Variants in PDE10A observed in about 807,000 individuals in gnomAD.
PDE10A encodes phosphodiesterase 10A, also known as cAMP and cAMP-inhibited cGMP 3',5'-cyclic phosphodiesterase 10A.
Under a neutral mutation model 97.7 loss-of-function variants are expected in PDE10A, and 39 were observed. That is an observed-to-expected ratio of 0.40 (90% CI 0.31 to 0.52). The LOEUF is 0.52. PDE10A is among the 20% of genes least tolerant of loss of function. PDE10A has a pLI of 0.56. For synonymous variants in PDE10A, 371 were observed against 376.8 expected, an observed-to-expected ratio of 0.98 and a Z score of 0.18; for missense variants, 731 against 1,047.8, an observed-to-expected ratio of 0.70 and a Z score of 4.17.
intron 3 of PDE10A, 56 bp downstream of exon 3, chr6:165,482,259 C>A: frequency 1.7e-6 from 2 of 1,211,064 alleles, no homozygotes; most frequent in Non-Finnish European, 2.5e-6. Flanking sequence ...GAGAGATAAA[C>A]AAAACAGATT....
Position 165,500,670 on chromosome 6 carries a change from T to C in PDE10A, c.995-18327A>G, listed in dbSNP as rs143629745. 2.9e-3 allele frequency among the ~76,000 whole-genome samples: 448 copies of C among 152,076 alleles called. 3 individuals are homozygous for C. The highest frequency in any genetic ancestry group is 0.01 in the African/African-American group (421 of 41,508). Reference sequence around the variant, plus strand: ...CTGACCATCCCCCAGCCAACACCCATAAAGGGTCTGTGCTGAGGAAGATAA... The same window carrying C: ...CTGACCATCCCCCAGCCAACACCCACAAAGGGTCTGTGCTGAGGAAGATAA... On this transcript the variant is annotated intron_variant, in intron 2 of 21. Coordinates refer to ENST00000539869, the MANE Select transcript of PDE10A (RefSeq NM_001385079.1).
At chr6:165,771,841 G>A (rs1314652186) in intron 1 of PDE10A, among the ~76,000 whole-genome samples, 1 of 152,184 alleles carries the variant, frequency 6.6e-6, no homozygotes, top group Non-Finnish European at 1.5e-5. Flanking sequence ...TAGGTGGCCT[G>A]TGGGGCGGAT....
chr6:165,825,886 G>A (rs911010512), intron 1 of PDE10A, among the ~76,000 whole-genome samples: 7 of 152,142 alleles, frequency 4.6e-5, no homozygotes, highest in Non-Finnish European at 2.9e-5. Flanking sequence ...TTTCTTATGA[G>A]GACCTTCCAT....
intron 1 of PDE10A, among the ~76,000 whole-genome samples, chr6:165,840,416 A>AT (rs1402031725): frequency 4.3e-4 from 66 of 152,270 alleles, no homozygotes; most frequent in African/African-American, 1.5e-3. Context: ...GAGCTGATCC[A>AT]TTTTTCCCTA....
chr6:165,771,377 G>A (rs1057463554), intron 1 of PDE10A, among the ~76,000 whole-genome samples: 1 of 151,832 alleles, frequency 6.6e-6, no homozygotes, highest in African/African-American at 2.4e-5. Context: ...CTTCCAGCTC[G>A]GGGCTCCTGC....
intron 2 of PDE10A, among the ~76,000 whole-genome samples, chr6:165,528,129 G>A (rs1782559230): frequency 6.6e-6 from 1 of 152,228 alleles, no homozygotes; most frequent in Admixed American, 6.5e-5. Context: ...TCAGGGACTT[G>A]GAAGAAGCAT....
intron 3 of PDE10A, among the ~76,000 whole-genome samples, chr6:165,476,170 A>C (rs955612636): frequency 7.2e-5 from 11 of 152,316 alleles, no homozygotes; most frequent in African/African-American, 2.6e-4. Flanking sequence ...AAAGAAGAAA[A>C]AAAAAAACCA....
At chr6:165,390,082 A>C (rs1404417614) in intron 16 of PDE10A, among the ~76,000 whole-genome samples, 3 of 152,206 alleles carry the variant, frequency 2.0e-5, no homozygotes, top group Non-Finnish European at 4.4e-5. Flanking sequence ...TTTGAAAGAC[A>C]AATTATACCT....
At chr6:165,640,933 A>G (rs570924943) in intron 1 of PDE10A, among the ~76,000 whole-genome samples, 1 of 152,372 alleles carries the variant, frequency 6.6e-6, no homozygotes, top group South Asian at 2.1e-4. Flanking sequence ...CACAGAACAA[A>G]TATCACTTGT....
At chr6:165,842,304 G>A (rs1465989349) in intron 1 of PDE10A, among the ~76,000 whole-genome samples, 1 of 152,072 alleles carries the variant, frequency 6.6e-6, no homozygotes, top group African/African-American at 2.4e-5. Flanking sequence ...ATCCAGGCTG[G>A]TGATATACCT....
Position 165,379,274 on chromosome 6 carries a change from A to G in PDE10A, c.2703T>C (p.Leu901=). ...GCTTCCTGTTTCCAAAGTATAAAGCAAGGTCTGTGGCAATGATGGCTTTGC... is the reference window on the plus strand; with the variant it reads ...GCTTCCTGTTTCCAAAGTATAAAGCGAGGTCTGTGGCAATGATGGCTTTGC... ...IIRKAIIATD[L]ALYFGNRKQL... is the part of the protein sequence containing the mutation. Residue 901 remains leucine, a synonymous_variant, in exon 18 of 22, where the codon CTT becomes CTC. Transcript: ENST00000539869. 1 of 1,613,792 alleles carries G rather than the reference A, an allele frequency of 6.2e-7. No homozygotes were observed. The highest frequency in any genetic ancestry group is 1.1e-5 in the South Asian group (1 of 91,070).
intron 6 of PDE10A, among the ~76,000 whole-genome samples, chr6:165,433,827 A>G (rs979581049): frequency 6.6e-6 from 1 of 151,964 alleles, no homozygotes; most frequent in Non-Finnish European, 1.5e-5. Flanking sequence ...CATCCTGGCT[A>G]ACACAGTGAA....
intron 17 of PDE10A, among the ~76,000 whole-genome samples, chr6:165,380,349 A>G (rs2128207547): frequency 6.6e-6 from 1 of 152,302 alleles, no homozygotes; most frequent in Non-Finnish European, 1.5e-5. Flanking sequence ...ATTGAAGCAT[A>G]TTTCTTTAAA....
chr6:165,889,946 C>T (rs1781740077), intron 1 of PDE10A, among the ~76,000 whole-genome samples: 1 of 96,710 alleles, frequency 1.0e-5, no homozygotes, highest in East Asian at 5.5e-4. Flanking sequence ...ACTCCTCCCT[C>T]CCTCCTCCCT....
intron 10 of PDE10A, among the ~76,000 whole-genome samples, chr6:165,422,824 A>G (rs1320226066): frequency 6.6e-6 from 1 of 152,192 alleles, no homozygotes; most frequent in East Asian, 1.9e-4. Context: ...ACTTGTTAGT[A>G]AATGATATCT....
At chr6:165,794,105 C>T (rs934988234) in intron 1 of PDE10A, among the ~76,000 whole-genome samples, 3 of 121,822 alleles carry the variant, frequency 2.5e-5, no homozygotes, top group African/African-American at 9.4e-5. Context: ...CAACATGGTT[C>T]TACGCAGGCA....
At chr6:165,441,837 T>C (rs942338204) in intron 5 of PDE10A, among the ~76,000 whole-genome samples, 1 of 152,186 alleles carries the variant, frequency 6.6e-6, no homozygotes, top group Non-Finnish European at 1.5e-5. Flanking sequence ...AAAGGTAATA[T>C]TTCAACAGTG....
At chr6:165,485,701 T>C (rs1202385331) in intron 2 of PDE10A, among the ~76,000 whole-genome samples, 2 of 150,712 alleles carry the variant, frequency 1.3e-5, no homozygotes, top group African/African-American at 4.9e-5. Flanking sequence ...CAAGCAATAC[T>C]CCTGCCTCAG....
intron 2 of PDE10A, among the ~76,000 whole-genome samples, chr6:165,537,097 A>G (rs1021973530): frequency 1.3e-5 from 2 of 152,104 alleles, no homozygotes; most frequent in South Asian, 4.1e-4. Flanking sequence ...ACAAAACGAA[A>G]TATTATTCAG....
Sources: gnomAD v4.1 joint callset for allele counts (sites outside exome capture counted in the v4.1 genomes callset) on GRCh38, gnomAD v4.1.1 for gene constraint, MANE v1.5 for transcripts, NCBI Gene and HGNC (gene_info 2026-07-23, HGNC 2026-07-21) for gene names.